Variants in DDX42 observed in about 807,000 individuals in gnomAD.
DDX42 encodes the protein ATP-dependent RNA helicase DDX42.
In DDX42, 22 loss-of-function variants were observed where a neutral mutation model predicts 101.5. The observed-to-expected ratio is 0.22, with a 90% CI of 0.15 to 0.31. DDX42 has a LOEUF of 0.31. Among genes scored for constraint, DDX42 ranks in the 10% least tolerant of loss-of-function variants. The probability of loss-of-function intolerance (pLI) is 1.00; values close to 1 mark genes in which losing one functional copy is unlikely to be tolerated. For missense variants in DDX42, 849 were observed against 1,199.9 expected (o/e 0.71, Z 4.32); for synonymous variants, 402 against 401.2 (o/e 1.00, Z -0.02).
At chr17:63,789,501 A>G (rs996963925) in intron 2 of DDX42, among the ~76,000 whole-genome samples, 1 of 147,164 alleles carries the variant, frequency 6.8e-6, no homozygotes, top group Admixed American at 6.8e-5. Flanking sequence ...GGCGTGAGCT[A>G]CTGCACCCAG....
At chr17:63,786,030 T>C (rs1400597637) in intron 1 of DDX42, among the ~76,000 whole-genome samples, 1 of 152,178 alleles carries the variant, frequency 6.6e-6, no homozygotes, top group East Asian at 1.9e-4. Flanking sequence ...CCCCAAAATA[T>C]TTCTTTTTAT....
chr17:63,792,136 A>C (rs1338543956), intron 2 of DDX42, among the ~76,000 whole-genome samples: 1 of 152,076 alleles, frequency 6.6e-6, no homozygotes, highest in Non-Finnish European at 1.5e-5. Flanking sequence ...TTTGTACTGA[A>C]AACTCTTCCC....
intron 2 of DDX42, among the ~76,000 whole-genome samples, chr17:63,788,328 T>G (rs914576399): frequency 7.6e-6 from 1 of 131,574 alleles, no homozygotes; most frequent in African/African-American, 2.9e-5. Context: ...TTTTTTTTTT[T>G]GAGATGGAGT....
intron 1 of DDX42, among the ~76,000 whole-genome samples, chr17:63,780,975 T>C (rs1432036502): frequency 6.6e-6 from 1 of 152,192 alleles, no homozygotes; most frequent in Admixed American, 6.5e-5. Context: ...TACTGGTTTT[T>C]CCCCTTTAGC....
chr17:63,779,953 AT>A (rs2039466581), intron 1 of DDX42, among the ~76,000 whole-genome samples: 1 of 151,680 alleles, frequency 6.6e-6, no homozygotes, highest in African/African-American at 2.4e-5. Flanking sequence ...ACTCCCACAA[AT>A]CTCTGTGATT....
chr17:63,817,318 G>A, intron 17 of DDX42: 1 of 336,030 alleles, frequency 3.0e-6, no homozygotes, highest in Non-Finnish European at 5.5e-6. Flanking sequence ...TCACACTAAG[G>A]TGAATCGATA....
At chr17:63,787,316 T>C in intron 2 of DDX42, 46 bp downstream of exon 2, 3 of 1,571,776 alleles carry the variant, frequency 1.9e-6, no homozygotes, top group Non-Finnish European at 2.6e-6. Context: ...GACTTTGATA[T>C]ATTCATTCTA....
chr17:63,800,667 C>T (rs748780915), intron 6 of DDX42, 50 bp downstream of exon 6: 2 of 1,593,728 alleles, frequency 1.3e-6, no homozygotes, highest in African/African-American at 1.3e-5. Flanking sequence ...TGATGCTTTA[C>T]TTCAGCTTTA....
At position 63,817,746 on chromosome 17, in the gene DDX42, G is replaced by A. The variant is rs759954363; in HGVS notation, c.2165G>A (p.Gly722Glu). Residue 722 changes from glycine to glutamate, a missense_variant, in exon 18 of 18, where the codon GGA becomes GAA. By Grantham distance (98) the Gly-to-Glu change is moderately conservative (BLOSUM62 -2). Around this residue, in one of 5 missense-constraint regions of DDX42, gnomAD observed 300 missense variants for 304.9 expected, o/e 0.98. Coordinates refer to ENST00000389924, the MANE Select transcript of DDX42 (RefSeq NM_203499.3). ...GCCAGTTTAAGTAATCAGAAGGCTG[G>A]AAGTTCTGCTGCTGGGGCAAGTGGG... is the stretch of plus-strand genomic sequence containing the variant. Reference protein sequence around the residue: ...VAASLSNQKAGSSAAGASGWT... With the variant: ...VAASLSNQKAESSAAGASGWT... 4 of 1,614,214 alleles carry A rather than the reference G, an allele frequency of 2.5e-6. No individual in the cohort carries two copies. Among genetic ancestry groups the A allele is most frequent in the Non-Finnish European group, 2.5e-6 (3 of 1,180,032 alleles).
chr17:63,804,062 G>T (rs531362660), intron 6 of DDX42, among the ~76,000 whole-genome samples: 2 of 152,152 alleles, frequency 1.3e-5, no homozygotes, highest in East Asian at 3.9e-4. Flanking sequence ...AAATACAATA[G>T]TGTCACTCTT....
intron 6 of DDX42, among the ~76,000 whole-genome samples, chr17:63,801,590 C>T (rs925947223): frequency 4.0e-5 from 6 of 151,694 alleles, no homozygotes; most frequent in Admixed American, 3.3e-4. Context: ...AGTGCAGTGG[C>T]GCAATCTTGG....
chr17:63,817,893 A>T lies in DDX42; in HGVS notation c.2312A>T (p.Asn771Ile). ...KGIPGFGNTGNISGAPVTYPS... is the reference protein window; with the variant it reads ...KGIPGFGNTGIISGAPVTYPS... ...ATCCCAGGCTTTGGCAATACTGGCA[A>T]CATCAGTGGTGCCCCTGTGACCTAC... Residue 771 changes from asparagine to isoleucine, a missense_variant, in exon 18 of 18, where the codon AAC becomes ATC. Physicochemically the swap from Asn to Ile is moderately radical, Grantham distance 149. Around this residue, in one of 5 missense-constraint regions of DDX42, gnomAD observed 300 missense variants for 304.9 expected, o/e 0.98. Coordinates refer to ENST00000389924, the MANE Select transcript of DDX42 (RefSeq NM_203499.3). 6.2e-7 allele frequency: 1 copy of T among 1,614,218 alleles called. No individual in the cohort carries two copies. The highest frequency in any genetic ancestry group is 8.5e-7 in the Non-Finnish European group (1 of 1,180,032).
intron 3 of DDX42, 132 bp downstream of exon 3, chr17:63,792,694 T>A: frequency 1.1e-6 from 1 of 936,450 alleles, no homozygotes; most frequent in Middle Eastern, 2.5e-4. Context: ...TTTGCTCCAG[T>A]AGTCTATAGT....
intron 1 of DDX42, among the ~76,000 whole-genome samples, chr17:63,786,274 G>A (rs964806143): frequency 6.6e-6 from 1 of 152,090 alleles, no homozygotes; most frequent in Admixed American, 6.6e-5. Flanking sequence ...ATTTCACTAT[G>A]TTGCCCAGGC....
At chr17:63,810,707 T>G (rs2039899607) in intron 12 of DDX42, 147 bp downstream of exon 12, 1 of 761,850 alleles carries the variant, frequency 1.3e-6, no homozygotes, top group Non-Finnish European at 2.2e-6. Context: ...TTATCTGAGC[T>G]GGACAGGATC....
chr17:63,810,524 C>A lies in DDX42; in HGVS notation c.1264C>A (p.Arg422=), dbSNP rs1331566513. 4 of 1,613,806 alleles carry A rather than the reference C, an allele frequency of 2.5e-6. No individual in the cohort carries two copies. The highest frequency in any genetic ancestry group is 1.3e-5 in the African/African-American group (1 of 74,866). Residue 422 remains arginine, a synonymous_variant, in exon 12 of 18, where the codon CGA becomes AGA. Coordinates refer to ENST00000389924, the MANE Select transcript of DDX42 (RefSeq NM_203499.3). ...TCTGTTTCTTGCAGAGTACCAAGTTCGATCCATAGCAAGTCATGTTCGTCC... is the reference window on the plus strand; with the variant it reads ...TCTGTTTCTTGCAGAGTACCAAGTTAGATCCATAGCAAGTCATGTTCGTCC... ...MFDMGFEYQV[R]SIASHVRPDR... is the part of the protein sequence containing the mutation.
At chr17:63,804,657 G>C (rs559066142) in intron 6 of DDX42, among the ~76,000 whole-genome samples, 81 of 152,226 alleles carry the variant, frequency 5.3e-4, no homozygotes, top group Non-Finnish European at 1.0e-3. Context: ...GTTCAAATTC[G>C]AGGTTTCCTT....
chr17:63,803,739 T>A (rs2039803029), intron 6 of DDX42, among the ~76,000 whole-genome samples: 1 of 151,584 alleles, frequency 6.6e-6, no homozygotes, highest in Admixed American at 6.6e-5. Flanking sequence ...CTCCTCCTCC[T>A]CCCGGGTTCA....
At chr17:63,804,950 C>T in intron 6 of DDX42, 121 bp from the exon 7 acceptor site, 2 of 1,266,506 alleles carry the variant, frequency 1.6e-6, no homozygotes, top group East Asian at 2.7e-5. Flanking sequence ...AATTTTTTTG[C>T]TTTCTCTAGC....
Sources: allele counts gnomAD v4.1 joint callset (sites outside exome capture counted in the v4.1 genomes callset), GRCh38; gene constraint gnomAD v4.1.1; regional missense constraint gnomAD v4.1.1; transcripts MANE v1.5; gene names NCBI Gene and HGNC (gene_info 2026-07-23, HGNC 2026-07-21).